ZNF317: variants seen among roughly 807,000 people sequenced by gnomAD.
ZNF317 encodes zinc finger protein 317, also known as KRAB-containing zinc finger protein 317.
A neutral mutation model predicts 23.4 loss-of-function variants in ZNF317; 17 were observed. The ratio of observed to expected loss-of-function variants is 0.73; its 90% confidence interval spans 0.50 to 1.09. ZNF317 has a LOEUF of 1.09. Ranked by LOEUF, ZNF317 falls within the 50% of genes least tolerant of loss-of-function variation. The pLI is 0.00. For synonymous variants in ZNF317, 317 were observed against 314.9 expected, an observed-to-expected ratio of 1.01 and a Z score of -0.07; for missense variants, 679 against 796.7, an observed-to-expected ratio of 0.85 and a Z score of 1.78.
At chr19:9,155,041 T>A (rs919068501) in intron 1 of ZNF317, among the ~76,000 whole-genome samples, 7 of 152,172 alleles carry the variant, frequency 4.6e-5, no homozygotes, top group Non-Finnish European at 1.0e-4. Flanking sequence ...TCTTTCTTTC[T>A]TTCTGTTTTG....
rs201225006 is a variant in ZNF317 at position 9,160,521 on chromosome 19, C to G, written c.876C>G (p.Ala292=). ...GAAATGCATTCCGGACCCTCTCGGC[C>G]CTGAAAATCCACATGCGAGTTCACA... ...QCGNAFRTLS[A]LKIHMRVHTG... The change falls in exon 7 of 7, where the codon GCC becomes GCG. Residue 292 remains alanine, a synonymous_variant. Transcript: ENST00000247956. This position sits in a 1 kb window ranked among gnomAD's most constrained non-coding sequence, Gnocchi z 6.8. The G allele has an allele frequency of 1.7e-5, 27 of 1,614,064 alleles. No individual in the cohort carries two copies. Among genetic ancestry groups the G allele is most frequent in the Admixed American group, 3.3e-5 (2 of 60,006 alleles).
chr19:9,149,578 A>G (rs1053601123), intron 1 of ZNF317, among the ~76,000 whole-genome samples: 2 of 151,900 alleles, frequency 1.3e-5, no homozygotes, highest in African/African-American at 2.4e-5. Context: ...TGTGGGGGAA[A>G]CATTTCAAGC....
intron 1 of ZNF317, among the ~76,000 whole-genome samples, chr19:9,153,744 A>C (rs1449157358): frequency 1.3e-5 from 2 of 152,204 alleles, no homozygotes; most frequent in African/African-American, 4.8e-5. Flanking sequence ...CCGAGAATAG[A>C]GAATGATTCT....
intron 4 of ZNF317, 57 bp from the exon 5 acceptor site, chr19:9,157,923 G>T: frequency 6.5e-7 from 1 of 1,529,242 alleles, no homozygotes; most frequent in Non-Finnish European, 8.8e-7. Context: ...CAGGCTACTG[G>T]AAGGGGTTGT....
At chr19:9,157,810 A>G in intron 4 of ZNF317, 170 bp from the exon 5 acceptor site, 1 of 1,372,050 alleles carries the variant, frequency 7.3e-7, no homozygotes, top group East Asian at 2.7e-5. Flanking sequence ...TCTATCAGTC[A>G]AAAACTTTTA....
chr19:9,154,255 T>C (rs1157615815), intron 1 of ZNF317, among the ~76,000 whole-genome samples: 1 of 152,164 alleles, frequency 6.6e-6, no homozygotes, highest in African/African-American at 2.4e-5. Flanking sequence ...GTTTAATATA[T>C]GTTCAAGAAA....
chr19:9,152,343 G>A (rs2050742986), intron 1 of ZNF317, among the ~76,000 whole-genome samples: 1 of 152,166 alleles, frequency 6.6e-6, no homozygotes, highest in South Asian at 2.1e-4. Flanking sequence ...TGATCCCCAA[G>A]CCCTGGGCCA....
At position 9,160,181 on chromosome 19, in the gene ZNF317, C is replaced by T. The variant is rs1343746774; in HGVS notation, c.536C>T (p.Pro179Leu). 3.1e-6 allele frequency: 5 copies of T among 1,614,182 alleles called. No individual in the cohort carries two copies. Among genetic ancestry groups the T allele is most frequent in the Admixed American group, 1.7e-5 (1 of 60,018 alleles). ...AHLFEVFGMD[P>L]HLTQPMGRHA... ...TTGTTCGAAGTCTTTGGCATGGACC[C>T]TCATCTCACTCAGCCAATGGGAAGG... Residue 179 changes from proline to leucine, a missense_variant, in exon 7 of 7, where the codon CCT becomes CTT. Transcript: ENST00000247956. The surrounding 1 kb of genome is among the most constrained non-coding windows in gnomAD (Gnocchi z 6.8).
intron 1 of ZNF317, among the ~76,000 whole-genome samples, chr19:9,145,560 T>C (rs2050675658): frequency 6.6e-6 from 1 of 152,246 alleles, no homozygotes; most frequent in Admixed American, 6.5e-5. Context: ...TGTTCAGATA[T>C]TCTTTTTACC....
chr19:9,152,108 G>A (rs567118653), intron 1 of ZNF317, among the ~76,000 whole-genome samples: 74 of 151,964 alleles, frequency 4.9e-4, no homozygotes, highest in African/African-American at 1.7e-3. Flanking sequence ...GGGTTTTACC[G>A]TGTTAGCCAG....
intron 6 of ZNF317, among the ~76,000 whole-genome samples, chr19:9,159,726 T>C (rs2050826273): frequency 6.6e-6 from 1 of 152,036 alleles, no homozygotes; most frequent in Admixed American, 6.5e-5. Context: ...TTTGTATTTT[T>C]AGTAGAGACA....
rs1327902366 is a variant in ZNF317, at chr19:9,163,230, C to G, written c.*1797C>G. 6.6e-6 allele frequency: 1 copy of G among 152,112 alleles called. No individual in the cohort carries two copies. The highest frequency in any genetic ancestry group is 6.6e-5 in the Admixed American group (1 of 15,250). The allele number at this position is 152,112 out of a possible 1,614,324, so 9.4% of individuals were successfully genotyped here. ...TTTCACCTTGCAAAGAGATCCAGTACCTAGTATTGGAAGATCCACCTTAAC... is the reference window on the plus strand; with the variant it reads ...TTTCACCTTGCAAAGAGATCCAGTAGCTAGTATTGGAAGATCCACCTTAAC... On this transcript the variant is annotated 3_prime_UTR_variant, in exon 7 of 7. Coordinates refer to ENST00000247956, the MANE Select transcript of ZNF317 (RefSeq NM_020933.5).
rs200591339 is a variant in ZNF317 at position 9,158,363 on chromosome 19, C to CTTTTTTTTTTTTTTTTTTTTTTTTT, written c.385+292_385+316dup. 1.3e-3 allele frequency among the ~76,000 whole-genome samples: 97 copies of CTTTTTTTTTTTTTTTTTTTTTTTTT among 76,532 alleles called. 19 individuals are homozygous for CTTTTTTTTTTTTTTTTTTTTTTTTT. The highest frequency in any genetic ancestry group is 1.7e-3 in the Non-Finnish European group (74 of 43,722). The allele number at this position is 76,532 out of a possible 152,430, so 50.2% of individuals were successfully genotyped here. ...CTGAATTGCCTTAAATTTCTTTTTT[C>CTTTTTTTTTTTTTTTTTTTTTTTTT]TTTTTTTTTTTTTTTTTTTTTTTTT... On this transcript the variant is annotated intron_variant, in intron 5 of 6. Transcript: ENST00000247956.
In ZNF317 at chr19:9,163,124, A is replaced by G. The variant is rs10129; in HGVS notation, c.*1691A>G. On this transcript the variant is annotated 3_prime_UTR_variant, in exon 7 of 7. Transcript: ENST00000247956. ...CTGACAGATCAGCAGATGTCACCACATGGGCTTCTGAGAAAGCTCTTGAAT... is the reference window on the plus strand; with the variant it reads ...CTGACAGATCAGCAGATGTCACCACGTGGGCTTCTGAGAAAGCTCTTGAAT... The G allele has an allele frequency of 0.5, 76,730 of 152,144 alleles. 21,507 individuals are homozygous for G. Among genetic ancestry groups the G allele is most frequent in the African/African-American group, 0.77 (31,833 of 41,472 alleles). The allele number at this position is 152,144 out of a possible 1,614,324, so 9.4% of individuals were successfully genotyped here. A position where few individuals can be genotyped will look rare whatever the true frequency, so the allele number is the denominator to read the frequency against.
At chr19:9,141,432 C>A (rs182829076) in intron 1 of ZNF317, among the ~76,000 whole-genome samples, 185 of 152,232 alleles carry the variant, frequency 1.2e-3, no homozygotes, top group African/African-American at 4.4e-3. Context: ...GATTTGACTG[C>A]GTATACATCT....
At chr19:9,144,710 T>A (rs1235744527) in intron 1 of ZNF317, among the ~76,000 whole-genome samples, 1 of 152,206 alleles carries the variant, frequency 6.6e-6, no homozygotes, top group African/African-American at 2.4e-5. Flanking sequence ...TTATTGCTAT[T>A]GCATACCATC....
At chr19:9,145,762 T>C (rs2050677320) in intron 1 of ZNF317, among the ~76,000 whole-genome samples, 1 of 152,218 alleles carries the variant, frequency 6.6e-6, no homozygotes, top group African/African-American at 2.4e-5. Context: ...GGTTCTTAGC[T>C]GTATTTATGT....
intron 1 of ZNF317, 149 bp from the exon 2 acceptor site, chr19:9,155,776 G>A (rs2145954105): frequency 3.4e-6 from 2 of 581,640 alleles, no homozygotes; most frequent in South Asian, 3.9e-5. Flanking sequence ...TGCTGAGAGA[G>A]TTTACCTAAG....
chr19:9,155,128 T>C (rs550376447), intron 1 of ZNF317, among the ~76,000 whole-genome samples: 3 of 152,178 alleles, frequency 2.0e-5, no homozygotes, highest in Non-Finnish European at 4.4e-5. Flanking sequence ...TACGAATTCT[T>C]TTTCAGGTGT....
Sources: allele counts gnomAD v4.1 joint callset (sites outside exome capture counted in the v4.1 genomes callset), GRCh38; gene constraint gnomAD v4.1.1; non-coding constraint Gnocchi (gnomAD v3.1); transcripts MANE v1.5; gene names NCBI Gene and HGNC (gene_info 2026-07-23, HGNC 2026-07-21).